Variants in DPP6 observed in about 807,000 individuals in gnomAD.
The protein encoded by DPP6 is A-type potassium channel modulatory protein DPP6.
Under a neutral mutation model 122.6 loss-of-function variants are expected in DPP6, and 69 were observed. The observed-to-expected ratio is 0.56, with a 90% CI of 0.46 to 0.69. The LOEUF (loss-of-function observed/expected upper bound fraction) is 0.69, where lower values mean the gene tolerates loss of function less well. Ranked by LOEUF, DPP6 falls within the 30% of genes least tolerant of loss-of-function variation. The pLI is 0.00. For missense variants in DPP6, 928 were observed against 1,116.9 expected (o/e 0.83, Z 2.41); for synonymous variants, 418 against 433.1 (o/e 0.97, Z 0.43).
chr7:153,880,838 G>A, the DPP6 span, among the ~76,000 whole-genome samples: 1 of 152,158 alleles, frequency 6.6e-6, no homozygotes, highest in Non-Finnish European at 1.5e-5. Context: ...TTCCTGGGAG[G>A]TTCCTGTTAA....
chr7:154,090,958 A>C (rs1391013135), intron 1 of DPP6, among the ~76,000 whole-genome samples: 1 of 149,854 alleles, frequency 6.7e-6, no homozygotes, highest in Non-Finnish European at 1.5e-5. Context: ...GTCTCTACTA[A>C]AAATACAAAA....
chr7:154,055,090 CT>C lies in DPP6; in HGVS notation c.243+2042del, dbSNP rs374982845. ...TAACTTAGATGTAAGTCCTGACATG[CT>C]TTTTTTTTTTTTTTCTGGAAAATAC... On this transcript the variant is annotated intron_variant, in intron 1 of 25. Transcript: ENST00000377770. Among the ~76,000 whole-genome samples, 307 of 128,956 alleles carry C rather than the reference CT, an allele frequency of 2.4e-3. 1 individual carries two copies. Among genetic ancestry groups the C allele is most frequent in the African/African-American group, 6.9e-3 (238 of 34,492 alleles). 84.6% of individuals were successfully genotyped at this position (128,956 alleles called of 152,430 possible).
chr7:154,575,344 TGTGTGTGTG>T (rs1212999476), intron 5 of DPP6, among the ~76,000 whole-genome samples: 28 of 60,020 alleles, frequency 4.7e-4, no homozygotes, highest in African/African-American at 1.9e-3. Flanking sequence ...GGTGTGTGTA[TGTGTGTGTG>T]GTGTGTGTGT....
At position 154,483,798 on chromosome 7, in the gene DPP6, G is replaced by A. The variant is rs372686487; in HGVS notation, c.457+8761G>A. 2.6e-4 allele frequency among the ~76,000 whole-genome samples: 40 copies of A among 152,254 alleles called. No homozygotes were observed. Among genetic ancestry groups the A allele is most frequent in the East Asian group, 7.7e-4 (4 of 5,170 alleles). ...CAACCTCCACCTCCCGGGTTCAAGC[G>A]ATTCTCCTGCCTCAGCCTCCCTAGT... On this transcript the variant is annotated intron_variant, in intron 3 of 25. Transcript: ENST00000377770. This position sits in a 1 kb window ranked among gnomAD's most constrained non-coding sequence, Gnocchi z 8.1.
In DPP6 at chr7:154,079,707, G is replaced by A. The variant is rs971994280; in HGVS notation, c.243+26644G>A. 5.3e-4 allele frequency among the ~76,000 whole-genome samples: 80 copies of A among 152,180 alleles called. 1 individual carries two copies. Among genetic ancestry groups the A allele is most frequent in the Non-Finnish European group, 8.1e-4 (55 of 68,010 alleles). On this transcript the variant is annotated intron_variant, in intron 1 of 25. Transcript: ENST00000377770. ...GGCTGGGGTTAGGAGACAGGTGACC[G>A]TGGAAGACTGCTCTGACAATCAGAG...
intron 7 of DPP6, among the ~76,000 whole-genome samples, chr7:154,672,157 T>C (rs13230591): frequency 0.97 from 147,280 of 152,230 alleles, 71,423 homozygotes; most frequent in East Asian, 1. Flanking sequence ...TTTCCCCCTT[T>C]GCTCGACACT....
chr7:154,692,781 CT>C (rs200799193), intron 7 of DPP6, among the ~76,000 whole-genome samples: 2,344 of 141,432 alleles, frequency 0.017, 18 homozygotes, highest in Middle Eastern at 0.049. Context: ...TTCTCTCTCT[CT>C]TTTTTTTTTT....
intron 16 of DPP6, among the ~76,000 whole-genome samples, chr7:154,852,420 T>C (rs1802473993): frequency 6.6e-6 from 1 of 151,610 alleles, no homozygotes; most frequent in Admixed American, 6.6e-5. Context: ...CCACTTCCTC[T>C]TTCTCCCTGC....
At chr7:154,182,706 T>A (rs144314523) in intron 1 of DPP6, among the ~76,000 whole-genome samples, 1 of 151,964 alleles carries the variant, frequency 6.6e-6, no homozygotes, top group Non-Finnish European at 1.5e-5. Context: ...TTGTGCTGTG[T>A]CTCTCGGTGT....
intron 1 of DPP6, among the ~76,000 whole-genome samples, chr7:154,197,793 G>C (rs1420721665): frequency 6.6e-6 from 1 of 152,136 alleles, no homozygotes; most frequent in African/African-American, 2.4e-5. Flanking sequence ...TTAGAATGTC[G>C]TTGCTTTGCA....
chr7:153,827,202 GT>G, the DPP6 span, among the ~76,000 whole-genome samples: 1 of 152,184 alleles, frequency 6.6e-6, no homozygotes, highest in Non-Finnish European at 1.5e-5. Context: ...TAACACTGAA[GT>G]TTAAGTTATG....
chr7:154,626,507 A>C (rs897452551), intron 5 of DPP6, among the ~76,000 whole-genome samples: 1 of 152,224 alleles, frequency 6.6e-6, no homozygotes, highest in Non-Finnish European at 1.5e-5. Flanking sequence ...TGCGAGAAAC[A>C]TTCTCTATCA....
chr7:154,716,284 T>C (rs1463824008), intron 7 of DPP6, among the ~76,000 whole-genome samples: 6 of 152,100 alleles, frequency 3.9e-5, no homozygotes, highest in African/African-American at 1.4e-4. Context: ...TTCTCCCACC[T>C]GGAACACAAG....
At chr7:153,851,188 C>T in the DPP6 span, among the ~76,000 whole-genome samples, 1 of 152,052 alleles carries the variant, frequency 6.6e-6, no homozygotes, top group African/African-American at 2.4e-5. Flanking sequence ...CGCCATTTGC[C>T]CTTTGACTAT....
At chr7:154,795,982 T>A (rs1340032498) in intron 12 of DPP6, 99 bp downstream of exon 12, 1 of 1,492,718 alleles carries the variant, frequency 6.7e-7, no homozygotes, top group Non-Finnish European at 8.9e-7. Flanking sequence ...CTTCTCAGAG[T>A]AAATCACACA....
intron 3 of DPP6, among the ~76,000 whole-genome samples, chr7:154,488,217 G>T (rs1823962308): frequency 6.6e-6 from 1 of 152,160 alleles, no homozygotes; most frequent in African/African-American, 2.4e-5. Flanking sequence ...GGACGCAGTA[G>T]CTCACGCAAG....
chr7:153,868,955 A>T, the DPP6 span, among the ~76,000 whole-genome samples: 1 of 151,960 alleles, frequency 6.6e-6, no homozygotes, highest in Non-Finnish European at 1.5e-5. Context: ...CATGTAGTTG[A>T]GTGATTTTGA....
chr7:154,050,793 A>AAT (rs1800260444), upstream of DPP6, among the ~76,000 whole-genome samples: 1 of 124,062 alleles, frequency 8.1e-6, no homozygotes, highest in Non-Finnish European at 1.7e-5. Flanking sequence ...TGTATTTGCT[A>AAT]TTTTTTAAAG....
chr7:153,799,676 G>C, the DPP6 span, among the ~76,000 whole-genome samples: 1 of 151,996 alleles, frequency 6.6e-6, no homozygotes, highest in Non-Finnish European at 1.5e-5. Context: ...AAAAATGTTT[G>C]AAATTTGCCA....
Sources: gnomAD v4.1 joint callset for allele counts (sites outside exome capture counted in the v4.1 genomes callset) on GRCh38, gnomAD v4.1.1 for gene constraint, Gnocchi (gnomAD v3.1) non-coding constraint, MANE v1.5 for transcripts, NCBI Gene and HGNC (gene_info 2026-07-23, HGNC 2026-07-21) for gene names.